PRKN: variants seen among roughly 807,000 people sequenced by gnomAD.
The protein encoded by PRKN is parkin RBR E3 ubiquitin protein ligase.
PRKN carries 56 observed loss-of-function variants against 59.5 expected under a neutral mutation model. The ratio of observed to expected loss-of-function variants is 0.94; its 90% CI spans 0.76 to 1.18. The LOEUF is 1.18. Among genes scored for constraint, PRKN ranks in the 50% most tolerant of loss-of-function variants. The pLI, the probability that PRKN is intolerant of heterozygous loss-of-function variation, is 0.00. For missense variants in PRKN, 657 were observed against 596.4 expected (o/e 1.10, Z -1.06); for synonymous variants, 250 against 222.1 (o/e 1.13, Z -1.12).
chr6:161,939,197 C>A (rs1779461983), intron 6 of PRKN, among the ~76,000 whole-genome samples: 1 of 151,880 alleles, frequency 6.6e-6, no homozygotes, highest in Non-Finnish European at 1.5e-5. Flanking sequence ...GCGGGAGGAT[C>A]ACCTGAGGCC....
At chr6:161,642,634 T>C (rs1295232425) in intron 7 of PRKN, among the ~76,000 whole-genome samples, 4 of 152,118 alleles carry the variant, frequency 2.6e-5, no homozygotes, top group Admixed American at 1.3e-4. Flanking sequence ...AGTGGAGGTA[T>C]ACACATACTA....
intron 4 of PRKN, among the ~76,000 whole-genome samples, chr6:162,094,122 T>C (rs1325167165): frequency 6.6e-6 from 1 of 151,788 alleles, no homozygotes; most frequent in Non-Finnish European, 1.5e-5. Flanking sequence ...ACTGAGTAGG[T>C]AGAGCAAGGG....
chr6:161,455,943 A>G (rs2115141912), intron 9 of PRKN, among the ~76,000 whole-genome samples: 1 of 152,346 alleles, frequency 6.6e-6, no homozygotes, highest in South Asian at 2.1e-4. Context: ...ATTATAGAGA[A>G]ACAAATATTG....
intron 4 of PRKN, among the ~76,000 whole-genome samples, chr6:162,147,343 A>AG (rs1782074243): frequency 7.2e-6 from 1 of 138,018 alleles, no homozygotes; most frequent in Non-Finnish European, 1.5e-5. Flanking sequence ...ACTCTGTCTC[A>AG]GAAAAAAAAA....
chr6:162,468,534 G>C (rs1421299190), intron 1 of PRKN, among the ~76,000 whole-genome samples: 1 of 152,142 alleles, frequency 6.6e-6, no homozygotes, highest in Admixed American at 6.6e-5. Flanking sequence ...ATTTCACCAA[G>C]GCATTTGGCA....
At chr6:162,245,806 T>C (rs941025114) in intron 3 of PRKN, among the ~76,000 whole-genome samples, 44 of 152,176 alleles carry the variant, frequency 2.9e-4, no homozygotes, top group African/African-American at 1.0e-3. Context: ...ATTGCCTTGA[T>C]AGTCTGACTG....
At chr6:162,139,140 A>T (rs773699677) in intron 4 of PRKN, among the ~76,000 whole-genome samples, 2 of 152,154 alleles carry the variant, frequency 1.3e-5, no homozygotes, top group African/African-American at 4.8e-5. Flanking sequence ...AATACTGAAA[A>T]ATGGAGTTGT....
chr6:162,539,679 G>C (rs1778847437), intron 1 of PRKN, among the ~76,000 whole-genome samples: 3 of 152,144 alleles, frequency 2.0e-5, no homozygotes, highest in Admixed American at 1.3e-4. Context: ...TCCTGATAGT[G>C]CCCCAATAAC....
rs116862428 is a variant in PRKN, at chr6:162,668,358, T to C, written c.7+59304A>G. Reference sequence around the variant, plus strand: ...GTCCAACATCTACTTTACCTTGTCATTGTTACTCTCCCGGTGGAATAAACA... The same window carrying C: ...GTCCAACATCTACTTTACCTTGTCACTGTTACTCTCCCGGTGGAATAAACA... On this transcript the variant is annotated intron_variant, in intron 1 of 11. Transcript: ENST00000366898. Among the ~76,000 whole-genome samples the C allele has an allele frequency of 1.5e-4, 23 of 152,362 alleles. No individual in the cohort carries two copies. The East Asian group carries it at 3.1e-3, about 20-fold the overall frequency.
At chr6:162,111,284 T>G (rs1203469632) in intron 4 of PRKN, among the ~76,000 whole-genome samples, 1 of 151,896 alleles carries the variant, frequency 6.6e-6, no homozygotes, top group African/African-American at 2.4e-5. Flanking sequence ...GCTAACACAG[T>G]GAAACCCCGT....
rs1339744479 is a variant in PRKN at position 162,423,119 on chromosome 6, TG to T, written c.171+20190del. 3.7e-4 allele frequency among the ~76,000 whole-genome samples: 56 copies of T among 152,262 alleles called. No homozygotes were observed. The East Asian group carries it at 7.3e-3, about 20-fold the overall frequency. On this transcript the variant is annotated intron_variant, in intron 2 of 11. Coordinates refer to ENST00000366898, the MANE Select transcript of PRKN (RefSeq NM_004562.3). ...CAATCATTTCCCTTACATATAAAAA[TG>T]TAACTGAATAAAGACATTACCCTAA... is the stretch of plus-strand genomic sequence containing the variant.
Position 162,021,457 on chromosome 6 carries a change from ATATATT to A in PRKN, c.618+32628_618+32633del, listed in dbSNP as rs1235203457. ...ACAGGGAATATATATATATATATATATATATTTTTTTTTTTTTTTTCCTTAAGCTCT... is the reference window on the plus strand; with the variant it reads ...ACAGGGAATATATATATATATATATATTTTTTTTTTTTTTCCTTAAGCTCT... On this transcript the variant is annotated intron_variant, in intron 5 of 11. Transcript: ENST00000366898. Among the ~76,000 whole-genome samples the A allele has an allele frequency of 8.6e-3, 721 of 83,738 alleles. 8 individuals are homozygous for A. The highest frequency in any genetic ancestry group is 0.027 in the African/African-American group (561 of 20,592). The allele number at this position is 83,738 out of a possible 152,430, so 54.9% of individuals were successfully genotyped here.
chr6:161,544,571 A>G lies in PRKN; in HGVS notation c.1083+4283T>C, dbSNP rs995573550. Among the ~76,000 whole-genome samples, 2 of 152,214 alleles carry G rather than the reference A, an allele frequency of 1.3e-5. No individual in the cohort carries two copies. The highest frequency in any genetic ancestry group is 2.9e-5 in the Non-Finnish European group (2 of 68,040). ...ATTTGATGAATGTTAAACACCAAAT[A>G]CATGATTCACCAAGAAGAATGAAAA... On this transcript the variant is annotated intron_variant, in intron 9 of 11. Transcript: ENST00000366898. The surrounding 1 kb of genome is among the most constrained non-coding windows in gnomAD (Gnocchi z 5.5).
Position 161,349,280 on chromosome 6 carries a change from C to A in PRKN, c.*819G>T, listed in dbSNP as rs1202014827. On this transcript the variant is annotated 3_prime_UTR_variant, in exon 12 of 12. Transcript: ENST00000366898. The surrounding 1 kb of genome is among the most constrained non-coding windows in gnomAD (Gnocchi z 5.5). ...AAGTTGCAAAATGAATACTCAGAAT[C>A]AAACTATAGATTTTTTGGTGATACT... is the stretch of plus-strand genomic sequence containing the variant. 1 of 226,062 alleles carries A rather than the reference C, an allele frequency of 4.4e-6. No individual in the cohort carries two copies. The highest frequency in any genetic ancestry group is 8.8e-6 in the Non-Finnish European group (1 of 113,710). The allele number at this position is 226,062 out of a possible 1,614,324, so 14.0% of individuals were successfully genotyped here.
intron 7 of PRKN, among the ~76,000 whole-genome samples, chr6:161,663,883 T>G (rs1235574945): frequency 6.6e-6 from 1 of 152,144 alleles, no homozygotes. Flanking sequence ...GAGGCTGGGA[T>G]GCTGCACATG....
At chr6:162,664,228 CT>C (rs1306704515) in intron 1 of PRKN, among the ~76,000 whole-genome samples, 14 of 152,132 alleles carry the variant, frequency 9.2e-5, no homozygotes, top group African/African-American at 3.4e-4. Flanking sequence ...CGATTTCATT[CT>C]TTTTTATGGC....
At chr6:162,715,749 C>T (rs1778696422) in intron 1 of PRKN, among the ~76,000 whole-genome samples, 1 of 152,180 alleles carries the variant, frequency 6.6e-6, no homozygotes. Context: ...ACACCCTAAT[C>T]TATCATCACC....
chr6:162,587,293 A>T (rs1165886363), intron 1 of PRKN, among the ~76,000 whole-genome samples: 1 of 151,996 alleles, frequency 6.6e-6, no homozygotes, highest in East Asian at 1.9e-4. Flanking sequence ...GCACCACCAC[A>T]TTCAGCTAAT....
Position 161,462,471 on chromosome 6 carries a change from C to A in PRKN, c.1084-75594G>T, listed in dbSNP as rs1235312853. Among the ~76,000 whole-genome samples the A allele has an allele frequency of 6.6e-6, 1 of 151,960 alleles. No individual in the cohort carries two copies. The highest frequency in any genetic ancestry group is 2.4e-5 in the African/African-American group (1 of 41,362). On this transcript the variant is annotated intron_variant, in intron 9 of 11. Transcript: ENST00000366898. This position sits in a 1 kb window ranked among gnomAD's most constrained non-coding sequence, Gnocchi z 4.5. ...GACTAGCTAAATTAGTTATATGGCC[C>A]AAAGCAAAGATAAGATGGTTAGTAT... is the stretch of plus-strand genomic sequence containing the variant.
Sources: allele counts gnomAD v4.1 joint callset (sites outside exome capture counted in the v4.1 genomes callset), GRCh38; gene constraint gnomAD v4.1.1; non-coding constraint Gnocchi (gnomAD v3.1); transcripts MANE v1.5; gene names NCBI Gene and HGNC (gene_info 2026-07-23, HGNC 2026-07-21).